The following TASP1 variants were observed in gnomAD, a reference collection of about 807,000 sequenced individuals.
TASP1 encodes the protein threonine aspartase 1.
A neutral mutation model predicts 56.6 loss-of-function variants in TASP1; 16 were observed. That is an observed-to-expected ratio of 0.28 (90% CI 0.19 to 0.43). The LOEUF (loss-of-function observed/expected upper bound fraction) is 0.43. TASP1 is among the 20% of genes least tolerant of loss of function. The probability of loss-of-function intolerance (pLI) is 1.00; values close to 1 mark genes in which losing one functional copy is unlikely to be tolerated. For missense variants in TASP1, 393 were observed against 511.6 expected (o/e 0.77, Z 2.24); for synonymous variants, 179 against 184.2 (o/e 0.97, Z 0.23).
the TASP1 span, among the ~76,000 whole-genome samples, chr20:13,265,813 A>G: frequency 6.6e-6 from 1 of 152,148 alleles, no homozygotes; most frequent in African/African-American, 2.4e-5. Flanking sequence ...AGCATTGTCA[A>G]TGTTAACATT....
the TASP1 span, among the ~76,000 whole-genome samples, chr20:13,336,396 G>A: frequency 1.3e-5 from 2 of 152,172 alleles, no homozygotes; most frequent in African/African-American, 2.4e-5. Context: ...ATCTCCCAGG[G>A]ATGGGTTCTT....
the TASP1 span, among the ~76,000 whole-genome samples, chr20:13,378,140 T>G: frequency 2.0e-5 from 3 of 152,342 alleles, no homozygotes; most frequent in Admixed American, 2.0e-4. Context: ...TGCTGTTGCT[T>G]CTCTAGTTCT....
At chr20:13,223,235 TC>T in the TASP1 span, among the ~76,000 whole-genome samples, 3 of 151,952 alleles carry the variant, frequency 2.0e-5, no homozygotes, top group Non-Finnish European at 4.4e-5. Flanking sequence ...TATTCATTGT[TC>T]CCAAAGGCCT....
chr20:13,111,866 T>G, the TASP1 span, among the ~76,000 whole-genome samples: 1 of 152,198 alleles, frequency 6.6e-6, no homozygotes, highest in Non-Finnish European at 1.5e-5. Context: ...AGTAGACAAC[T>G]GGCATTTTAC....
At chr20:13,588,176 T>G (rs2047376076) in intron 4 of TASP1, among the ~76,000 whole-genome samples, 1 of 150,866 alleles carries the variant, frequency 6.6e-6, no homozygotes, top group African/African-American at 2.4e-5. Context: ...ATATCCACTC[T>G]CAGTACCTAT....
intron 13 of TASP1, among the ~76,000 whole-genome samples, chr20:13,409,767 T>C (rs765082281): frequency 3.9e-5 from 6 of 152,216 alleles, no homozygotes; most frequent in African/African-American, 1.2e-4. Flanking sequence ...GAATGTGTTA[T>C]GATCAAGTCA....
chr20:13,145,794 A>G, the TASP1 span, among the ~76,000 whole-genome samples: 39 of 152,362 alleles, frequency 2.6e-4, 1 homozygote, highest in African/African-American at 7.5e-4. Context: ...AAACAGGCAC[A>G]TAGACCAATG....
At chr20:13,580,764 T>C in intron 6 of TASP1, 133 bp downstream of exon 6, 4 of 808,018 alleles carry the variant, frequency 5.0e-6, no homozygotes, top group Non-Finnish European at 8.1e-6. Context: ...CTGTACAAAA[T>C]GTTCCAAGAT....
chr20:13,486,078 CAAAG>C (rs1384973403), intron 10 of TASP1, among the ~76,000 whole-genome samples: 1 of 152,114 alleles, frequency 6.6e-6, no homozygotes, highest in Middle Eastern at 3.2e-3. Flanking sequence ...TCATCTTTAA[CAAAG>C]AGCCATGAAA....
intron 13 of TASP1, among the ~76,000 whole-genome samples, chr20:13,416,932 C>G (rs1362631552): frequency 1.3e-5 from 2 of 152,202 alleles, no homozygotes; most frequent in African/African-American, 2.4e-5. Context: ...ACCTTTAATT[C>G]TGCCCATGAA....
At chr20:13,571,664 A>C (rs1296629974) in intron 6 of TASP1, among the ~76,000 whole-genome samples, 1 of 152,194 alleles carries the variant, frequency 6.6e-6, no homozygotes. Flanking sequence ...AATCCTTGTA[A>C]AATACAAGTC....
intron 4 of TASP1, among the ~76,000 whole-genome samples, chr20:13,591,212 T>G (rs1372310850): frequency 1.3e-5 from 2 of 152,050 alleles, no homozygotes; most frequent in South Asian, 2.1e-4. Flanking sequence ...TTATCCAAAC[T>G]TAATAAACAC....
chr20:13,335,600 GAATT>G, the TASP1 span, among the ~76,000 whole-genome samples: 95 of 151,552 alleles, frequency 6.3e-4, no homozygotes, highest in Middle Eastern at 6.8e-3. Flanking sequence ...GTAAATGTAG[GAATT>G]AATAAAAAAT....
At chr20:13,304,363 A>G in the TASP1 span, among the ~76,000 whole-genome samples, 1 of 152,154 alleles carries the variant, frequency 6.6e-6, no homozygotes, top group Admixed American at 6.5e-5. Context: ...GGTCATGGGG[A>G]GAGGTCCTTC....
the TASP1 span, among the ~76,000 whole-genome samples, chr20:13,135,131 A>G: frequency 6.6e-6 from 1 of 152,244 alleles, no homozygotes. Flanking sequence ...CATTTCTCCA[A>G]TAACTGCTAT....
intron 5 of TASP1, among the ~76,000 whole-genome samples, chr20:13,585,287 T>C (rs1444298674): frequency 1.3e-5 from 2 of 152,162 alleles, no homozygotes; most frequent in African/African-American, 4.8e-5. Context: ...CTTCATAACT[T>C]TGAACAGGCA....
intron 1 of TASP1, among the ~76,000 whole-genome samples, chr20:13,635,622 A>T (rs1204237564): frequency 1.3e-5 from 2 of 152,158 alleles, no homozygotes; most frequent in Non-Finnish European, 2.9e-5. Flanking sequence ...TCCTGACCTC[A>T]GGTGATCCAC....
At chr20:13,626,234 G>A (rs2048881558) in intron 2 of TASP1, among the ~76,000 whole-genome samples, 1 of 152,080 alleles carries the variant, frequency 6.6e-6, no homozygotes, top group African/African-American at 2.4e-5. Context: ...AGACCAGCCT[G>A]GCCAACATGG....
the TASP1 span, among the ~76,000 whole-genome samples, chr20:13,141,504 A>G: frequency 6.6e-6 from 1 of 152,148 alleles, no homozygotes; most frequent in African/African-American, 2.4e-5. Flanking sequence ...CTCTCCATCC[A>G]ACTCAGCCAG....
Sources: allele counts gnomAD v4.1 joint callset (sites outside exome capture counted in the v4.1 genomes callset), GRCh38; gene constraint gnomAD v4.1.1; transcripts MANE v1.5; gene names NCBI Gene and HGNC (gene_info 2026-07-23, HGNC 2026-07-21).